HMG20A: variants seen among roughly 807,000 people sequenced by gnomAD.
The protein encoded by HMG20A is high mobility group protein 20A.
A neutral mutation model predicts 43.9 loss-of-function variants in HMG20A; 17 were observed. The observed-to-expected ratio is 0.39, with a 90% confidence interval of 0.27 to 0.58. The LOEUF is 0.58. Among genes scored for constraint, HMG20A ranks in the 20% least tolerant of loss-of-function variants. The probability of loss-of-function intolerance (pLI) is 0.59; values close to 1 mark genes in which losing one functional copy is unlikely to be tolerated. For missense variants in HMG20A, 341 were observed against 438.2 expected (o/e 0.78, Z 1.98); for synonymous variants, 132 against 147.5 (o/e 0.89, Z 0.76).
At chr15:77,422,785 G>A (rs117839439) in intron 1 of HMG20A, among the ~76,000 whole-genome samples, 5 of 152,240 alleles carry the variant, frequency 3.3e-5, no homozygotes, top group Non-Finnish European at 5.9e-5. Flanking sequence ...AAGACCACAC[G>A]ATTGCTGCAG....
At chr15:77,452,431 G>A (rs2072612635) in intron 1 of HMG20A, among the ~76,000 whole-genome samples, 2 of 152,166 alleles carry the variant, frequency 1.3e-5, no homozygotes, top group Non-Finnish European at 2.9e-5. Context: ...ATACATTCTT[G>A]ATTGATCCAA....
chr15:77,476,983 A>AT (rs1189660650), intron 6 of HMG20A, among the ~76,000 whole-genome samples: 2 of 151,690 alleles, frequency 1.3e-5, no homozygotes, highest in African/African-American at 2.4e-5. Flanking sequence ...TTGTTTGTTT[A>AT]TTTTTCCTGT....
the HMG20A span, among the ~76,000 whole-genome samples, chr15:77,513,918 G>A: frequency 1.1e-4 from 16 of 152,114 alleles, no homozygotes; most frequent in Admixed American, 2.0e-4. Flanking sequence ...TAGAGACGGC[G>A]TTTCACCATA....
the HMG20A span, among the ~76,000 whole-genome samples, chr15:77,494,561 A>G: frequency 0.24 from 36,841 of 152,202 alleles, 5,176 homozygotes; most frequent in Middle Eastern, 0.37. Flanking sequence ...TTAAACTTAC[A>G]TGAGTCTGCC....
chr15:77,481,602 A>G (rs1362698191), intron 9 of HMG20A, among the ~76,000 whole-genome samples: 1 of 152,214 alleles, frequency 6.6e-6, no homozygotes. Context: ...TCTCAAGAGT[A>G]TAAACTATAT....
intron 1 of HMG20A, among the ~76,000 whole-genome samples, chr15:77,435,666 C>G (rs1226231688): frequency 6.6e-6 from 1 of 152,170 alleles, no homozygotes; most frequent in African/African-American, 2.4e-5. Flanking sequence ...TTATTTTTCT[C>G]TACATTCCCT....
the HMG20A span, among the ~76,000 whole-genome samples, chr15:77,516,506 T>C: frequency 6.6e-6 from 1 of 152,078 alleles, no homozygotes; most frequent in Non-Finnish European, 1.5e-5. Context: ...TTTTCTCCTC[T>C]AGGATGCGAT....
chr15:77,496,045 G>A, the HMG20A span, among the ~76,000 whole-genome samples: 1 of 152,162 alleles, frequency 6.6e-6, no homozygotes, highest in Non-Finnish European at 1.5e-5. Flanking sequence ...GAGGAAGGGA[G>A]CCGAGCATGG....
chr15:77,450,713 A>G (rs955528698), intron 1 of HMG20A, among the ~76,000 whole-genome samples: 2 of 152,238 alleles, frequency 1.3e-5, no homozygotes, highest in African/African-American at 4.8e-5. Context: ...GCTGTTAACA[A>G]CAAACAATGG....
the HMG20A span, among the ~76,000 whole-genome samples, chr15:77,516,792 G>A: frequency 6.6e-6 from 1 of 151,324 alleles, no homozygotes; most frequent in Non-Finnish European, 1.5e-5. Flanking sequence ...GACAGCAAGC[G>A]CGTAGGCTAG....
At chr15:77,445,102 T>C (rs946950651) in intron 1 of HMG20A, among the ~76,000 whole-genome samples, 8 of 152,256 alleles carry the variant, frequency 5.3e-5, no homozygotes, top group African/African-American at 1.9e-4. Context: ...CTATAGTTTT[T>C]ATAAATGTTC....
chr15:77,458,685 T>C (rs905271071), intron 2 of HMG20A, 189 bp downstream of exon 2: 7 of 433,744 alleles, frequency 1.6e-5, no homozygotes, highest in Non-Finnish European at 2.5e-5. Context: ...TTTGCAGTGC[T>C]CTGGTTTTTG....
chr15:77,452,541 A>G (rs2072613757), intron 1 of HMG20A, among the ~76,000 whole-genome samples: 1 of 152,208 alleles, frequency 6.6e-6, no homozygotes, highest in Non-Finnish European at 1.5e-5. Flanking sequence ...AAGTATTCCA[A>G]CCAAAGACAA....
chr15:77,429,373 C>T (rs1311469611), intron 1 of HMG20A, among the ~76,000 whole-genome samples: 2 of 152,022 alleles, frequency 1.3e-5, no homozygotes, highest in African/African-American at 4.8e-5. Context: ...TCCAGCACCC[C>T]ATTTTTTCTT....
chr15:77,428,718 A>G (rs182146598), intron 1 of HMG20A, among the ~76,000 whole-genome samples: 12 of 152,220 alleles, frequency 7.9e-5, no homozygotes, highest in African/African-American at 2.9e-4. Flanking sequence ...TAATCCCAAC[A>G]CTTTGGGAAG....
intron 1 of HMG20A, among the ~76,000 whole-genome samples, chr15:77,443,373 GATGATGATTATT>G (rs998247231): frequency 2.0e-4 from 24 of 122,280 alleles, no homozygotes; most frequent in South Asian, 1.3e-3. Flanking sequence ...TGATGATGAT[GATGATGATTATT>G]ATTATTATTA....
intron 6 of HMG20A, among the ~76,000 whole-genome samples, chr15:77,476,004 T>C (rs1263345538): frequency 2.0e-5 from 3 of 152,226 alleles, no homozygotes; most frequent in Admixed American, 6.5e-5. Flanking sequence ...GCTCTGAAAT[T>C]ACATAGCTTT....
downstream of HMG20A, among the ~76,000 whole-genome samples, chr15:77,489,448 T>C (rs2072961790): frequency 1.3e-5 from 2 of 152,150 alleles, no homozygotes. Context: ...GTGGCATGAG[T>C]TCAAAGCCGT....
chr15:77,493,593 AGG>A, the HMG20A span, among the ~76,000 whole-genome samples: 4 of 152,230 alleles, frequency 2.6e-5, no homozygotes, highest in Admixed American at 1.3e-4. Flanking sequence ...GCATTGAAAT[AGG>A]GAGCTAAATT....
Sources: gnomAD v4.1 joint callset for allele counts (sites outside exome capture counted in the v4.1 genomes callset) on GRCh38, gnomAD v4.1.1 for gene constraint, MANE v1.5 for transcripts, NCBI Gene and HGNC (gene_info 2026-07-23, HGNC 2026-07-21) for gene names.